IRF4: variants seen among roughly 807,000 people sequenced by gnomAD.
IRF4 encodes the protein interferon regulatory factor 4, also known as lymphocyte-specific interferon regulatory factor.
Under a neutral mutation model 55.5 loss-of-function variants are expected in IRF4, and 13 were observed. The ratio of observed to expected loss-of-function variants is 0.23; its 90% CI spans 0.15 to 0.37. IRF4 has a LOEUF of 0.37. IRF4 is among the 10% of genes least tolerant of loss of function. The probability of loss-of-function intolerance (pLI) is 1.00; values close to 1 mark genes in which losing one functional copy is unlikely to be tolerated. For missense variants in IRF4, 397 were observed against 593.8 expected (o/e 0.67, Z 3.44); for synonymous variants, 249 against 240.7 (o/e 1.03, Z -0.32).
At chr6:397,010 C>A in intron 4 of IRF4, 98 bp from the exon 5 acceptor site, 2 of 1,363,126 alleles carry the variant, frequency 1.5e-6, no homozygotes, top group South Asian at 2.8e-5. Context: ...TTACCCCCGT[C>A]TCGATGCCAG....
chr6:404,530 C>T (rs1761492908), intron 7 of IRF4, among the ~76,000 whole-genome samples: 1 of 152,238 alleles, frequency 6.6e-6, no homozygotes, highest in Non-Finnish European at 1.5e-5. Flanking sequence ...GCCTGAGTTA[C>T]GTGGATGTCC....
chr6:406,713 CGT>C, intron 8 of IRF4: 1 of 984,994 alleles, frequency 1.0e-6, no homozygotes, highest in Non-Finnish European at 1.3e-6. Flanking sequence ...AATAAACACA[CGT>C]GTACACCTAT....
chr6:395,576 C>CGG (rs1761229967), intron 3 of IRF4, among the ~76,000 whole-genome samples: 2 of 152,254 alleles, frequency 1.3e-5, no homozygotes, highest in African/African-American at 4.8e-5. Flanking sequence ...ATCTGGCTGG[C>CGG]GGGGTCCTTT....
At chr6:404,246 T>C (rs1186823640) in intron 7 of IRF4, among the ~76,000 whole-genome samples, 1 of 152,188 alleles carries the variant, frequency 6.6e-6, no homozygotes. Flanking sequence ...TGGGCTAAAG[T>C]CAGGGGATGG....
Position 408,153 on chromosome 6 carries a change from A to G in IRF4, c.*555A>G, listed in dbSNP as rs989000027. ...TTGCCTTTCAGTATTGACACTGACT[A>G]GAGTGATGACTGCTTGTAGGTATGT... On this transcript the variant is annotated 3_prime_UTR_variant, in exon 9 of 9. Coordinates refer to ENST00000380956, the MANE Select transcript of IRF4 (RefSeq NM_002460.4). 3 of 236,706 alleles carry G rather than the reference A, an allele frequency of 1.3e-5. No homozygotes were observed. Among genetic ancestry groups the G allele is most frequent in the African/African-American group, 6.6e-5 (3 of 45,382 alleles). The allele number at this position is 236,706 out of a possible 1,614,324, so 14.7% of individuals were successfully genotyped here.
intron 8 of IRF4, chr6:406,753 TAATTC>T (rs1194130848): frequency 8.6e-7 from 1 of 1,166,584 alleles, no homozygotes; most frequent in African/African-American, 1.6e-5. Context: ...ATTATTAATT[TAATTC>T]ATTTCAGGTA....
intron 6 of IRF4, among the ~76,000 whole-genome samples, chr6:400,797 C>G (rs2127439533): frequency 6.6e-6 from 1 of 151,198 alleles, no homozygotes; most frequent in South Asian, 2.1e-4. Context: ...TATGTACACA[C>G]ACACACACAC....
At chr6:392,535 G>A (rs1360788973) in intron 1 of IRF4, among the ~76,000 whole-genome samples, 2 of 152,272 alleles carry the variant, frequency 1.3e-5, no homozygotes, top group East Asian at 3.8e-4. Context: ...CGCTAGCTGG[G>A]CAGGGATAGG....
At chr6:405,360 C>A (rs1749524203) in intron 8 of IRF4, among the ~76,000 whole-genome samples, 1 of 152,172 alleles carries the variant, frequency 6.6e-6, no homozygotes, top group African/African-American at 2.4e-5. Context: ...GGGAGGACAG[C>A]CTCAAAGGAG....
At chr6:397,072 G>A (rs770023608) in intron 4 of IRF4, 36 bp from the exon 5 acceptor site, 3 of 1,610,928 alleles carry the variant, frequency 1.9e-6, no homozygotes, top group Admixed American at 3.3e-5. Context: ...CTCAATGCCA[G>A]TGCTTCTTAT....
At position 393,406 on chromosome 6, in the gene IRF4, A is replaced by C; in HGVS notation, c.216+38A>C. On this transcript the variant is annotated intron_variant, in intron 2 of 8. Transcript: ENST00000380956. This position sits in a 1 kb window ranked among gnomAD's most constrained non-coding sequence, Gnocchi z 5.4. ...GGGAGCCGGCGGGGGCGCGCCGGGG[A>C]GGGCCCAGAGACAGAGCCCGGGGTC... 5 of 1,090,358 alleles carry C rather than the reference A, an allele frequency of 4.6e-6. No homozygotes were observed. Among genetic ancestry groups the C allele is most frequent in the Non-Finnish European group, 6.4e-6 (5 of 781,972 alleles). The allele number at this position is 1,090,358 out of a possible 1,614,324, so 67.5% of individuals were successfully genotyped here.
intron 6 of IRF4, among the ~76,000 whole-genome samples, chr6:401,153 C>A (rs142457138): frequency 1.3e-5 from 2 of 152,112 alleles, no homozygotes; most frequent in Non-Finnish European, 2.9e-5. Flanking sequence ...TGGCCACATA[C>A]GTTTGTAATA....
chr6:393,008 C>T lies in IRF4; in HGVS notation c.-55-90C>T. 1 of 737,274 alleles carries T rather than the reference C, an allele frequency of 1.4e-6. No individual in the cohort carries two copies. The highest frequency in any genetic ancestry group is 2.1e-6 in the Non-Finnish European group (1 of 468,986). The allele number at this position is 737,274 out of a possible 1,614,324, so 45.7% of individuals were successfully genotyped here. On this transcript the variant is annotated intron_variant, in intron 1 of 8. Coordinates refer to ENST00000380956, the MANE Select transcript of IRF4 (RefSeq NM_002460.4). The surrounding 1 kb of genome is among the most constrained non-coding windows in gnomAD (Gnocchi z 5.4). ...GCGCGCTTCGCAGCCTCAAAGACTC[C>T]GGGGCCTCGTGGTCACTGGCGCAGG...
chr6:396,156 G>T (rs1761252041), intron 4 of IRF4: 2 of 547,156 alleles, frequency 3.7e-6, no homozygotes, highest in Non-Finnish European at 6.5e-6. Context: ...GTGTCCGCCT[G>T]TTGGAATATG....
intron 8 of IRF4, among the ~76,000 whole-genome samples, chr6:405,432 G>A (rs1761521088): frequency 6.6e-6 from 1 of 152,120 alleles, no homozygotes. Context: ...ATTTTATAGG[G>A]ATTGAAAAAG....
Position 396,145 on chromosome 6 carries a change from C to T in IRF4, c.492+210C>T, listed in dbSNP as rs555269820. Reference sequence around the variant, plus strand: ...GGATTTTAAGTTGGGGAGGGTCGGGCGTGTCCGCCTGTTGGAATATGCTTC... The same window carrying T: ...GGATTTTAAGTTGGGGAGGGTCGGGTGTGTCCGCCTGTTGGAATATGCTTC... On this transcript the variant is annotated intron_variant, in intron 4 of 8. Coordinates refer to ENST00000380956, the MANE Select transcript of IRF4 (RefSeq NM_002460.4). The T allele has an allele frequency of 3.0e-4, 168 of 558,604 alleles. No individual in the cohort carries two copies. The East Asian group carries it at 4.8e-3, about 16-fold the overall frequency. 34.6% of individuals were successfully genotyped at this position (558,604 alleles called of 1,614,324 possible).
chr6:392,218 C>G (rs1015271784), intron 1 of IRF4, among the ~76,000 whole-genome samples: 1 of 152,366 alleles, frequency 6.6e-6, no homozygotes, highest in African/African-American at 2.4e-5. Flanking sequence ...CCTTCCCCTG[C>G]TCTTCGTTCC....
At chr6:391,998 C>A in intron 1 of IRF4, 189 bp downstream of exon 1, 1 of 371,418 alleles carries the variant, frequency 2.7e-6, no homozygotes, top group Non-Finnish European at 5.5e-6. Context: ...CTGGTTTGGG[C>A]TCCAAGGCCC....
chr6:406,746 A>C, intron 8 of IRF4: 1 of 1,149,556 alleles, frequency 8.7e-7, no homozygotes, highest in Non-Finnish European at 1.1e-6. Flanking sequence ...TTTAAAAATT[A>C]TTAATTTAAT....
Sources: gnomAD v4.1 joint callset for allele counts (sites outside exome capture counted in the v4.1 genomes callset) on GRCh38, gnomAD v4.1.1 for gene constraint, Gnocchi (gnomAD v3.1) non-coding constraint, MANE v1.5 for transcripts, NCBI Gene and HGNC (gene_info 2026-07-23, HGNC 2026-07-21) for gene names.